Variants in SHISA9 observed in about 807,000 individuals in gnomAD.
The protein encoded by SHISA9 is protein shisa-9.
In SHISA9, 13 loss-of-function variants were observed where a neutral mutation model predicts 38.0. That is an observed-to-expected ratio of 0.34 (90% CI 0.22 to 0.54). The LOEUF (loss-of-function observed/expected upper bound fraction) is 0.54. Among genes scored for constraint, SHISA9 ranks in the 20% least tolerant of loss-of-function variants. The pLI, the probability that SHISA9 is intolerant of heterozygous loss-of-function variation, is 0.91. For synonymous variants in SHISA9, 275 were observed against 242.0 expected, an observed-to-expected ratio of 1.14 and a Z score of -1.27; for missense variants, 538 against 575.8, an observed-to-expected ratio of 0.93 and a Z score of 0.67.
chr16:13,072,185 A>AT (rs1232145605), intron 2 of SHISA9, among the ~76,000 whole-genome samples: 2 of 152,242 alleles, frequency 1.3e-5, no homozygotes, highest in Non-Finnish European at 2.9e-5. Context: ...TCAAAGTGTC[A>AT]AAGCCACTTG....
At chr16:13,267,084 G>A in the SHISA9 span, among the ~76,000 whole-genome samples, 1 of 152,166 alleles carries the variant, frequency 6.6e-6, no homozygotes, top group Non-Finnish European at 1.5e-5. Context: ...GGATGTAGTT[G>A]ATTGTATTTT....
At chr16:13,226,425 A>C (rs2051280161) in intron 4 of SHISA9, among the ~76,000 whole-genome samples, 1 of 152,208 alleles carries the variant, frequency 6.6e-6, no homozygotes, top group Admixed American at 6.5e-5. Flanking sequence ...AATAGGCATG[A>C]ATGATATAAT....
intron 2 of SHISA9, among the ~76,000 whole-genome samples, chr16:13,149,432 T>C (rs947466659): frequency 6.6e-6 from 1 of 152,092 alleles, no homozygotes; most frequent in Non-Finnish European, 1.5e-5. Flanking sequence ...CCAGCAGAGA[T>C]TGAGAAGAAC....
downstream of SHISA9, among the ~76,000 whole-genome samples, chr16:13,241,962 C>G (rs2051438718): frequency 6.6e-6 from 1 of 152,142 alleles, no homozygotes; most frequent in Non-Finnish European, 1.5e-5. Flanking sequence ...TGAGGAGAGC[C>G]ACACTATTCC....
the SHISA9 span, among the ~76,000 whole-genome samples, chr16:13,560,330 C>A: frequency 6.6e-6 from 1 of 152,208 alleles, no homozygotes; most frequent in East Asian, 1.9e-4. Flanking sequence ...ACCCCTGAAC[C>A]AATCACCATA....
At chr16:13,488,665 G>A in the SHISA9 span, among the ~76,000 whole-genome samples, 10 of 137,928 alleles carry the variant, frequency 7.3e-5, no homozygotes, top group East Asian at 2.0e-3. Context: ...TATGTAGTAG[G>A]TGATATCATC....
At chr16:12,912,101 G>A (rs1054322636) in intron 1 of SHISA9, among the ~76,000 whole-genome samples, 3 of 152,178 alleles carry the variant, frequency 2.0e-5, no homozygotes, top group Admixed American at 2.0e-4. Context: ...CTGGGAGTGG[G>A]TGCCAGCATC....
intron 3 of SHISA9, among the ~76,000 whole-genome samples, chr16:13,210,430 T>A (rs555608570): frequency 1.3e-5 from 2 of 152,194 alleles, no homozygotes; most frequent in South Asian, 4.2e-4. Context: ...TCATTTCTAA[T>A]TCAAAATTTT....
chr16:13,478,675 C>G, the SHISA9 span, among the ~76,000 whole-genome samples: 1 of 152,208 alleles, frequency 6.6e-6, no homozygotes, highest in Non-Finnish European at 1.5e-5. Flanking sequence ...CTTCACCCAG[C>G]TTTTGAAAAA....
intron 1 of SHISA9, among the ~76,000 whole-genome samples, chr16:12,915,558 G>A (rs993299942): frequency 6.6e-6 from 1 of 152,238 alleles, no homozygotes; most frequent in Non-Finnish European, 1.5e-5. Flanking sequence ...CTGCTGGTTT[G>A]CAATGATGGC....
Position 12,902,185 on chromosome 16 carries a change from C to G in SHISA9, c.121C>G (p.Leu41Val). The G allele has an allele frequency of 1.3e-6, 2 of 1,530,178 alleles. No individual in the cohort carries two copies. The highest frequency in any genetic ancestry group is 1.7e-6 in the Non-Finnish European group (2 of 1,143,604). The allele number at this position is 1,530,178 out of a possible 1,614,324, so 94.8% of individuals were successfully genotyped here. The change falls in exon 1 of 5, where the codon CTG (leucine) becomes GTG (valine). Residue 41 changes from leucine (L) to valine (V), a missense_variant. Coordinates refer to ENST00000558583, the MANE Select transcript of SHISA9 (RefSeq NM_001145204.3). ...GGCGCAACTGGGCGGCGTGTTGCTG[C>G]TGGCGGGGGGCAACCGCTCCGGGGC... ...QLAQLGGVLL[L>V]AGGNRSGAAS... is the part of the protein sequence containing the mutation.
intron 2 of SHISA9, among the ~76,000 whole-genome samples, chr16:13,134,804 C>G (rs1320012907): frequency 2.0e-5 from 3 of 152,152 alleles, no homozygotes; most frequent in Non-Finnish European, 4.4e-5. Flanking sequence ...TCACATATGT[C>G]ATCGTCCAAT....
the SHISA9 span, among the ~76,000 whole-genome samples, chr16:13,344,074 G>A: frequency 1.3e-5 from 2 of 152,118 alleles, no homozygotes; most frequent in Non-Finnish European, 2.9e-5. Context: ...AACCCATGAC[G>A]GTCTGTTGGC....
At chr16:13,421,265 G>A in the SHISA9 span, among the ~76,000 whole-genome samples, 1 of 152,102 alleles carries the variant, frequency 6.6e-6, no homozygotes, top group Admixed American at 6.5e-5. Flanking sequence ...CTTGGGCTCT[G>A]TATTAATCCG....
chr16:13,509,807 C>T, the SHISA9 span, among the ~76,000 whole-genome samples: 2 of 152,074 alleles, frequency 1.3e-5, no homozygotes, highest in East Asian at 1.9e-4. Context: ...GTCATTTTGT[C>T]TATTTTTATG....
chr16:13,542,638 G>C, the SHISA9 span, among the ~76,000 whole-genome samples: 1 of 152,152 alleles, frequency 6.6e-6, no homozygotes, highest in South Asian at 2.1e-4. Flanking sequence ...CTGCTCTGTT[G>C]CCTCACCCCT....
chr16:13,016,957 A>G (rs572933216), intron 2 of SHISA9, among the ~76,000 whole-genome samples: 1 of 151,946 alleles, frequency 6.6e-6, no homozygotes. Flanking sequence ...GAATGTGTAC[A>G]TGTATGCTGG....
At chr16:12,916,965 A>T in intron 2 of SHISA9, 150 bp downstream of exon 2, 15 of 953,430 alleles carry the variant, frequency 1.6e-5, no homozygotes, top group Non-Finnish European at 2.1e-5. Context: ...GATGAAGCTG[A>T]ATTTAGCATC....
chr16:13,403,562 C>T, the SHISA9 span, among the ~76,000 whole-genome samples: 2 of 152,140 alleles, frequency 1.3e-5, no homozygotes, highest in Non-Finnish European at 2.9e-5. Context: ...TTGACACCTT[C>T]AAAACACAGT....
Sources: allele counts gnomAD v4.1 joint callset (sites outside exome capture counted in the v4.1 genomes callset), GRCh38; gene constraint gnomAD v4.1.1; transcripts MANE v1.5; gene names NCBI Gene and HGNC (gene_info 2026-07-23, HGNC 2026-07-21).